Variants in PTPRD observed in about 807,000 individuals in gnomAD.
PTPRD encodes the protein protein tyrosine phosphatase receptor type D, also known as receptor-type tyrosine-protein phosphatase delta.
PTPRD carries 34 observed loss-of-function variants against 214.5 expected under a neutral mutation model. The observed-to-expected ratio is 0.16, with a 90% CI of 0.12 to 0.21. The LOEUF (loss-of-function observed/expected upper bound fraction) is 0.21, where lower values mean the gene tolerates loss of function less well. Ranked by LOEUF, PTPRD falls within the 10% of genes least tolerant of loss-of-function variation. The probability of loss-of-function intolerance (pLI) is 1.00; values close to 1 mark genes in which losing one functional copy is unlikely to be tolerated. For missense variants in PTPRD, 2,545 were observed against 2,398.7 expected (o/e 1.06, Z -1.27); for synonymous variants, 1,128 against 845.7 (o/e 1.33, Z -5.79).
intron 4 of PTPRD, among the ~76,000 whole-genome samples, chr9:10,007,490 A>G (rs182375542): frequency 6.6e-6 from 1 of 152,196 alleles, no homozygotes; most frequent in Non-Finnish European, 1.5e-5. Context: ...GGGCCAGTTA[A>G]ATAAGACAGA....
intron 8 of PTPRD, among the ~76,000 whole-genome samples, chr9:9,425,020 GTTCTTA>G (rs2080283448): frequency 1.3e-5 from 2 of 152,118 alleles, no homozygotes; most frequent in Admixed American, 1.3e-4. Flanking sequence ...TATTATATCA[GTTCTTA>G]GTTTAAGCTT....
At chr9:9,809,851 G>A (rs1157875424) in intron 5 of PTPRD, among the ~76,000 whole-genome samples, 1 of 152,152 alleles carries the variant, frequency 6.6e-6, no homozygotes, top group African/African-American at 2.4e-5. Flanking sequence ...TGAGGTTGGA[G>A]CAAAACATTC....
At chr9:8,694,797 G>A (rs1395951785) in intron 12 of PTPRD, among the ~76,000 whole-genome samples, 2 of 152,050 alleles carry the variant, frequency 1.3e-5, no homozygotes, top group Non-Finnish European at 2.9e-5. Context: ...AGCCTTCGGA[G>A]CTGCTTAAAT....
chr9:9,140,199 AAAAG>A (rs2099857779), intron 10 of PTPRD, among the ~76,000 whole-genome samples: 1 of 150,722 alleles, frequency 6.6e-6, no homozygotes, highest in African/African-American at 2.5e-5. Context: ...TGGAAAAAAA[AAAAG>A]AAAAAGAAAA....
At chr9:8,471,173 T>C (rs545908023) in intron 30 of PTPRD, 88 bp from the exon 31 acceptor site, 10 of 1,051,050 alleles carry the variant, frequency 9.5e-6, no homozygotes, top group Non-Finnish European at 1.5e-5. Context: ...ACCAATGAGG[T>C]TGAAGGCAAA....
At chr9:9,479,010 G>A (rs966923705) in intron 8 of PTPRD, among the ~76,000 whole-genome samples, 25 of 152,060 alleles carry the variant, frequency 1.6e-4, no homozygotes, top group African/African-American at 6.0e-4. Flanking sequence ...ATTAGATGTG[G>A]CTTTCTGGAT....
intron 11 of PTPRD, among the ~76,000 whole-genome samples, chr9:8,951,308 T>C (rs1224928225): frequency 6.7e-6 from 1 of 148,306 alleles, no homozygotes; most frequent in Non-Finnish European, 1.5e-5. Flanking sequence ...ATTATTTCTC[T>C]GCTGGATCCT....
intron 2 of PTPRD, among the ~76,000 whole-genome samples, chr9:10,463,296 G>C (rs2131372748): frequency 6.6e-6 from 1 of 152,174 alleles, no homozygotes; most frequent in South Asian, 2.1e-4. Context: ...CTATATATGA[G>C]AATTCATGTT....
intron 5 of PTPRD, among the ~76,000 whole-genome samples, chr9:9,858,871 T>A (rs2062075965): frequency 6.6e-6 from 1 of 152,078 alleles, no homozygotes; most frequent in Non-Finnish European, 1.5e-5. Context: ...ACCCATCCAT[T>A]TCACAGATAT....
chr9:8,321,517 AT>A (rs1828027744), intron 44 of PTPRD, among the ~76,000 whole-genome samples: 7 of 131,360 alleles, frequency 5.3e-5, no homozygotes, highest in Non-Finnish European at 8.0e-5. Flanking sequence ...ATATATATAT[AT>A]ATATATATAA....
At chr9:10,279,960 C>T (rs889550104) in intron 3 of PTPRD, among the ~76,000 whole-genome samples, 1 of 152,136 alleles carries the variant, frequency 6.6e-6, no homozygotes, top group Non-Finnish European at 1.5e-5. Flanking sequence ...TATAGTTCAT[C>T]CTAAATCTTC....
chr9:10,414,459 C>T (rs2098468140), intron 2 of PTPRD, among the ~76,000 whole-genome samples: 1 of 151,648 alleles, frequency 6.6e-6, no homozygotes. Flanking sequence ...CAAGATCATG[C>T]AGAAAAAGGA....
chr9:9,204,105 G>T (rs1203676249), intron 9 of PTPRD, among the ~76,000 whole-genome samples: 2 of 152,102 alleles, frequency 1.3e-5, no homozygotes, highest in African/African-American at 2.4e-5. Flanking sequence ...TTAATGCTGT[G>T]CGCCAGGGAA....
intron 12 of PTPRD, among the ~76,000 whole-genome samples, chr9:8,683,970 G>A (rs1409577339): frequency 3.9e-5 from 6 of 152,152 alleles, no homozygotes; most frequent in South Asian, 2.1e-4. Flanking sequence ...TACCAGCAGC[G>A]AATGTTCAAG....
At chr9:10,253,648 G>A (rs1319892245) in intron 3 of PTPRD, among the ~76,000 whole-genome samples, 3 of 152,160 alleles carry the variant, frequency 2.0e-5, no homozygotes, top group South Asian at 2.1e-4. Flanking sequence ...TCTGTTGGAC[G>A]AAGGAAGAAA....
chr9:9,125,038 A>G (rs955006817), intron 10 of PTPRD, among the ~76,000 whole-genome samples: 2 of 151,900 alleles, frequency 1.3e-5, no homozygotes, highest in African/African-American at 4.8e-5. Flanking sequence ...CTGTCTATCC[A>G]TTTTCTAGTA....
chr9:9,536,608 C>G (rs889251329), intron 8 of PTPRD, among the ~76,000 whole-genome samples: 1 of 151,944 alleles, frequency 6.6e-6, no homozygotes, highest in African/African-American at 2.4e-5. Context: ...CACCTTTGCC[C>G]ACGTCCACAG....
chr9:10,060,279 TAGAA>T (rs1468625156), intron 3 of PTPRD, among the ~76,000 whole-genome samples: 2 of 151,916 alleles, frequency 1.3e-5, no homozygotes, highest in African/African-American at 4.8e-5. Flanking sequence ...TTTTAAAAAA[TAGAA>T]GGAAAGAGAG....
chr9:8,525,285 A>G, intron 17 of PTPRD: 1 of 598,868 alleles, frequency 1.7e-6, no homozygotes, highest in Admixed American at 2.4e-5. Context: ...CAAGACTTCT[A>G]GTCATAATTA....
Sources: gnomAD v4.1 joint callset for allele counts (sites outside exome capture counted in the v4.1 genomes callset) on GRCh38, gnomAD v4.1.1 for gene constraint, MANE v1.5 for transcripts, NCBI Gene and HGNC (gene_info 2026-07-23, HGNC 2026-07-21) for gene names.